RAB15: variants seen among roughly 807,000 people sequenced by gnomAD.
The protein encoded by RAB15 is RAB15, member RAS oncogene family.
A neutral mutation model predicts 31.8 loss-of-function variants in RAB15; 13 were observed. The ratio of observed to expected loss-of-function variants is 0.41; its 90% CI spans 0.27 to 0.65. The LOEUF (loss-of-function observed/expected upper bound fraction) is 0.65. RAB15 is among the 30% of genes least tolerant of loss of function. The probability of loss-of-function intolerance (pLI) is 0.32; values close to 1 mark genes in which losing one functional copy is unlikely to be tolerated. For missense variants in RAB15, 220 were observed against 277.3 expected (o/e 0.79, Z 1.47); for synonymous variants, 100 against 105.6 (o/e 0.95, Z 0.33).
At chr14:64,967,649 T>C (rs1272305926) in intron 1 of RAB15, among the ~76,000 whole-genome samples, 1 of 152,028 alleles carries the variant, frequency 6.6e-6, no homozygotes, top group Admixed American at 6.6e-5. Context: ...TCAGTTTCCA[T>C]TTGTGGTTTA....
rs1032722486 is a variant in RAB15, at chr14:64,955,472, G to A, written c.125-2901C>T. On this transcript the variant is annotated intron_variant, in intron 1 of 6. Transcript: ENST00000533601. The surrounding 1 kb of genome is among the most constrained non-coding windows in gnomAD (Gnocchi z 4.4). ...ACTGCAGGACAAAGTCAACACACTG[G>A]CCTTATTGAGGCCTCTGCAGACGGA... 6.6e-6 allele frequency among the ~76,000 whole-genome samples: 1 copy of A among 152,154 alleles called. No individual in the cohort carries two copies.
In RAB15 at chr14:64,951,133, C is replaced by G; in HGVS notation, c.265G>C (p.Asp89His). 1 of 1,612,404 alleles carries G rather than the reference C, an allele frequency of 6.2e-7. No homozygotes were observed. The highest frequency in any genetic ancestry group is 1.7e-5 in the Admixed American group (1 of 60,010). The change falls in exon 4 of 7, where the codon GAC becomes CAC. Residue 89 changes from aspartate to histidine, a missense_variant. Physicochemically the swap from Asp to His is moderately conservative, Grantham distance 81. Transcript: ENST00000533601. This position sits in a 1 kb window ranked among gnomAD's most constrained non-coding sequence, Gnocchi z 7.2. ...TGGTAAGAGCGCTCGCTGCTAATGT[C>G]ATAGACCAAAAATATCCCCTGAGAG... The part of the protein sequence containing the change: ...RRAQGIFLVY[D>H]ISSERSYQHI...
At chr14:64,960,653 C>T (rs547983503) in intron 1 of RAB15, among the ~76,000 whole-genome samples, 6 of 151,974 alleles carry the variant, frequency 3.9e-5, no homozygotes, top group South Asian at 2.1e-4. Flanking sequence ...GGGTCTGGCA[C>T]GCAGAACTTT....
rs754735915 is a variant in RAB15 at position 64,951,015 on chromosome 14, C to T, written c.324+59G>A. On this transcript the variant is annotated intron_variant, in intron 4 of 6. Coordinates refer to ENST00000533601, the MANE Select transcript of RAB15 (RefSeq NM_001308154.2). This position sits in a 1 kb window ranked among gnomAD's most constrained non-coding sequence, Gnocchi z 7.2. ...ATTTGCCTTCCCATCTGGCCCTCGC[C>T]TTGCCTTCCCCGGTGAGGCACCCTC... The T allele has an allele frequency of 4.3e-6, 7 of 1,613,994 alleles. No individual in the cohort carries two copies. The highest frequency in any genetic ancestry group is 5.9e-6 in the Non-Finnish European group (7 of 1,180,024).
In RAB15 at chr14:64,971,888, C is replaced by CGGGGGCGGCGGGGAAA; in HGVS notation, c.124+49_124+64dup. The CGGGGGCGGCGGGGAAA allele has an allele frequency of 7.2e-7, 1 of 1,385,596 alleles. No homozygotes were observed. The highest frequency in any genetic ancestry group is 9.8e-7 in the Non-Finnish European group (1 of 1,024,612). 85.8% of individuals were successfully genotyped at this position (1,385,596 alleles called of 1,614,324 possible). A position where few individuals can be genotyped will look rare whatever the true frequency, so the allele number is the denominator to read the frequency against. On this transcript the variant is annotated intron_variant, in intron 1 of 6. Coordinates refer to ENST00000533601, the MANE Select transcript of RAB15 (RefSeq NM_001308154.2). This position sits in a 1 kb window ranked among gnomAD's most constrained non-coding sequence, Gnocchi z 4.1. ...CTGGCAATTCCTCCCCAGCTGGGGA[C>CGGGGGCGGCGGGGAAA]GGGGGCGGCGGGGAAAGGGGCCGCG...
intron 1 of RAB15, among the ~76,000 whole-genome samples, chr14:64,965,637 G>A (rs565055598): frequency 1.3e-5 from 2 of 152,284 alleles, no homozygotes; most frequent in South Asian, 4.1e-4. Flanking sequence ...GGAAACTGGT[G>A]CAAAGATTGG....
rs1886396484 is a variant in RAB15 at position 64,953,762 on chromosome 14, A to C, written c.125-1191T>G. ...CACTATGCCCAGGGATTCAAGAGCT[A>C]CGTCTGGTGGGTTAATTAAGCTTAC... is the stretch of plus-strand genomic sequence containing the variant. On this transcript the variant is annotated intron_variant, in intron 1 of 6. Coordinates refer to ENST00000533601, the MANE Select transcript of RAB15 (RefSeq NM_001308154.2). The surrounding 1 kb of genome is among the most constrained non-coding windows in gnomAD (Gnocchi z 4.6). 1.0e-6 allele frequency: 1 copy of C among 983,414 alleles called. No individual in the cohort carries two copies. The highest frequency in any genetic ancestry group is 6.1e-5 in the Admixed American group (1 of 16,264). The allele number at this position is 983,414 out of a possible 1,614,324, so 60.9% of individuals were successfully genotyped here.
Position 64,972,082 on chromosome 14 carries a change from G to C in RAB15, c.-6C>G, listed in dbSNP as rs758729443. On this transcript the variant is annotated 5_prime_UTR_variant, in exon 1 of 7. Coordinates refer to ENST00000533601, the MANE Select transcript of RAB15 (RefSeq NM_001308154.2). This position sits in a 1 kb window ranked among gnomAD's most constrained non-coding sequence, Gnocchi z 6.3. ...ACATCGTACTGCTTCGCCATGACTGGGGCCAGCGGGGCCGGGAACTGCGGG... is the reference window on the plus strand; with the variant it reads ...ACATCGTACTGCTTCGCCATGACTGCGGCCAGCGGGGCCGGGAACTGCGGG... The C allele has an allele frequency of 3.6e-5, 58 of 1,594,986 alleles. No individual in the cohort carries two copies. The highest frequency in any genetic ancestry group is 4.4e-5 in the Non-Finnish European group (52 of 1,172,948).
rs767871300 is a variant in RAB15, at chr14:64,952,844, A to C, written c.125-273T>G. 2.6e-5 allele frequency among the ~76,000 whole-genome samples: 4 copies of C among 152,230 alleles called. No homozygotes were observed. Among genetic ancestry groups the C allele is most frequent in the Non-Finnish European group, 5.9e-5 (4 of 68,038 alleles). On this transcript the variant is annotated intron_variant, in intron 1 of 6. Coordinates refer to ENST00000533601, the MANE Select transcript of RAB15 (RefSeq NM_001308154.2). The surrounding 1 kb of genome is among the most constrained non-coding windows in gnomAD (Gnocchi z 4.2). Reference sequence around the variant, plus strand: ...GAGTGAATCTGGGGAAATCTACTTCATCACTGCCTTACTCGACAGACTTAA... The same window carrying C: ...GAGTGAATCTGGGGAAATCTACTTCCTCACTGCCTTACTCGACAGACTTAA...
chr14:64,972,023 C>A lies in RAB15; in HGVS notation c.54G>T (p.Gly18=), dbSNP rs202197748. The change falls in exon 1 of 7, where the codon GGG becomes GGT. Residue 18 remains glycine (G), a synonymous_variant. Transcript: ENST00000533601. The surrounding 1 kb of genome is among the most constrained non-coding windows in gnomAD (Gnocchi z 6.3). ...LFRLLLIGDS[G]VGKTCLLCRF... ...GGCACAGCAGGCAGGTCTTGCCCACCCCGGAGTCCCCGATCAGCAGCAGCC... is the reference window on the plus strand; with the variant it reads ...GGCACAGCAGGCAGGTCTTGCCCACACCGGAGTCCCCGATCAGCAGCAGCC... The A allele has an allele frequency of 6.2e-7, 1 of 1,610,030 alleles. No individual in the cohort carries two copies. Among genetic ancestry groups the A allele is most frequent in the East Asian group, 2.2e-5 (1 of 44,678 alleles).
rs775355068 is a variant in RAB15 at position 64,971,263 on chromosome 14, T to C, written c.124+690A>G. ...GGCTCCAGCACTGCCAGATGAGAGATGCCCTCAGGCGGGTCCTGCCTGCCT... is the reference window on the plus strand; with the variant it reads ...GGCTCCAGCACTGCCAGATGAGAGACGCCCTCAGGCGGGTCCTGCCTGCCT... On this transcript the variant is annotated intron_variant, in intron 1 of 6. Transcript: ENST00000533601. The surrounding 1 kb of genome is among the most constrained non-coding windows in gnomAD (Gnocchi z 4.1). Among the ~76,000 whole-genome samples the C allele has an allele frequency of 3.3e-5, 5 of 152,184 alleles. No homozygotes were observed. Among genetic ancestry groups the C allele is most frequent in the Non-Finnish European group, 7.4e-5 (5 of 68,018 alleles).
At position 64,948,096 on chromosome 14, in the gene RAB15, ATCGTGGGGG is replaced by A; in HGVS notation, c.*249_*257del. The A allele has an allele frequency of 2.4e-6, 1 of 421,112 alleles. No individual in the cohort carries two copies. The highest frequency in any genetic ancestry group is 5.9e-4 in the Middle Eastern group (1 of 1,682). The allele number at this position is 421,112 out of a possible 1,614,324, so 26.1% of individuals were successfully genotyped here. On this transcript the variant is annotated 3_prime_UTR_variant, in exon 7 of 7. Transcript: ENST00000533601. This position sits in a 1 kb window ranked among gnomAD's most constrained non-coding sequence, Gnocchi z 7.0. ...GATGGTGAGACAGTGCTTGCGGCACATCGTGGGGGTCGTAGCAGGCCTGTGGCTGGGGAA... is the reference window on the plus strand; with the variant it reads ...GATGGTGAGACAGTGCTTGCGGCACATCGTAGCAGGCCTGTGGCTGGGGAA...
rs375853849 is a variant in RAB15, at chr14:64,946,763, C to T, written c.*1591G>A. ...CAGTTCTTTGTTTTGGCTGCAGCCACGCAGTGCAGCTAATGTGTGGCTTAA... is the reference window on the plus strand; with the variant it reads ...CAGTTCTTTGTTTTGGCTGCAGCCATGCAGTGCAGCTAATGTGTGGCTTAA... On this transcript the variant is annotated 3_prime_UTR_variant, in exon 7 of 7. Transcript: ENST00000533601. 1 of 152,476 alleles carries T rather than the reference C, an allele frequency of 6.6e-6. No homozygotes were observed. Among genetic ancestry groups the T allele is most frequent in the African/African-American group, 2.4e-5 (1 of 41,434 alleles). 9.4% of individuals were successfully genotyped at this position (152,476 alleles called of 1,614,324 possible).
chr14:64,955,828 C>A lies in RAB15; in HGVS notation c.125-3257G>T, dbSNP rs1320127767. Among the ~76,000 whole-genome samples, 1 of 152,190 alleles carries A rather than the reference C, an allele frequency of 6.6e-6. No individual in the cohort carries two copies. The highest frequency in any genetic ancestry group is 1.5e-5 in the Non-Finnish European group (1 of 68,038). ...CCCTTTTTGTTGCATCTTTAGTATC[C>A]GTGAGAAGAAGAGATATTCTCCATC... On this transcript the variant is annotated intron_variant, in intron 1 of 6. Coordinates refer to ENST00000533601, the MANE Select transcript of RAB15 (RefSeq NM_001308154.2). The surrounding 1 kb of genome is among the most constrained non-coding windows in gnomAD (Gnocchi z 4.4).
At chr14:64,957,217 A>G (rs750680413) in intron 1 of RAB15, among the ~76,000 whole-genome samples, 18 of 151,962 alleles carry the variant, frequency 1.2e-4, no homozygotes, top group Admixed American at 6.6e-5. Context: ...GATTATAGGC[A>G]TGAGCCTCCG....
rs1038413310 is a variant in RAB15 at position 64,946,406 on chromosome 14, A to G, written c.*1948T>C. On this transcript the variant is annotated 3_prime_UTR_variant, in exon 7 of 7. Coordinates refer to ENST00000533601, the MANE Select transcript of RAB15 (RefSeq NM_001308154.2). ...CACCTACTTCCCTAGCCCCAGTGTG[A>G]TGTGGCATAGGTCTTGATACCCAAG... The G allele has an allele frequency of 1.3e-5, 2 of 152,196 alleles. No homozygotes were observed. Among genetic ancestry groups the G allele is most frequent in the African/African-American group, 4.8e-5 (2 of 41,448 alleles). The allele number at this position is 152,196 out of a possible 1,614,324, so 9.4% of individuals were successfully genotyped here. A position where few individuals can be genotyped will look rare whatever the true frequency, so the allele number is the denominator to read the frequency against.
chr14:64,965,047 G>C (rs1887059564), intron 1 of RAB15, among the ~76,000 whole-genome samples: 1 of 152,220 alleles, frequency 6.6e-6, no homozygotes, highest in Admixed American at 6.5e-5. Context: ...TTGGGCTCAA[G>C]CAATCCTTCC....
intron 1 of RAB15, among the ~76,000 whole-genome samples, chr14:64,967,958 T>G (rs957206248): frequency 6.6e-6 from 1 of 152,152 alleles, no homozygotes; most frequent in Non-Finnish European, 1.5e-5. Flanking sequence ...TAACCCCTTC[T>G]TCCAGCCAAC....
intron 1 of RAB15, among the ~76,000 whole-genome samples, chr14:64,969,422 C>T (rs74056631): frequency 0.017 from 2,541 of 152,276 alleles, 69 homozygotes; most frequent in African/African-American, 0.058. Context: ...CTGAAAAACA[C>T]GCCCAAGATA....
Sources: gnomAD v4.1 joint callset for allele counts (sites outside exome capture counted in the v4.1 genomes callset) on GRCh38, gnomAD v4.1.1 for gene constraint, Gnocchi (gnomAD v3.1) non-coding constraint, MANE v1.5 for transcripts, NCBI Gene and HGNC (gene_info 2026-07-23, HGNC 2026-07-21) for gene names.